Variants in RNF145 observed in about 807,000 individuals in gnomAD.
RNF145 encodes the protein ring finger protein 145.
A neutral mutation model predicts 57.3 loss-of-function variants in RNF145; 12 were observed. The ratio of observed to expected loss-of-function variants is 0.21; its 90% CI spans 0.13 to 0.34. The LOEUF is 0.34. Among genes scored for constraint, RNF145 ranks in the 10% least tolerant of loss-of-function variants. The pLI, the probability that RNF145 is intolerant of heterozygous loss-of-function variation, is 1.00. For synonymous variants in RNF145, 262 were observed against 288.3 expected, an observed-to-expected ratio of 0.91 and a Z score of 0.92; for missense variants, 429 against 799.0, an observed-to-expected ratio of 0.54 and a Z score of 5.58.
chr5:159,207,640 C>G, intron 1 of RNF145: 1 of 1,607,394 alleles, frequency 6.2e-7, no homozygotes, highest in South Asian at 1.1e-5. Flanking sequence ...TAAGTAAAAG[C>G]CCAGAACTGA....
chr5:159,198,169 A>C (rs1785523374), intron 2 of RNF145, among the ~76,000 whole-genome samples: 1 of 151,950 alleles, frequency 6.6e-6, no homozygotes, highest in Non-Finnish European at 1.5e-5. Context: ...ACGAGCCCAG[A>C]AGGTTGATGC....
intron 1 of RNF145, chr5:159,207,849 T>G (rs778572397): frequency 1.5e-5 from 24 of 1,614,138 alleles, no homozygotes; most frequent in Non-Finnish European, 1.6e-5. Context: ...AAGGCCATCT[T>G]TCAACTTAAG....
intron 2 of RNF145, among the ~76,000 whole-genome samples, chr5:159,201,302 C>T (rs1203962387): frequency 2.0e-5 from 3 of 152,150 alleles, no homozygotes; most frequent in Non-Finnish European, 4.4e-5. Context: ...ACCGACGGAC[C>T]ACTGTACTCT....
At chr5:159,162,163 CTGTA>C (rs1302048008) in intron 9 of RNF145, among the ~76,000 whole-genome samples, 1 of 152,168 alleles carries the variant, frequency 6.6e-6, no homozygotes, top group Non-Finnish European at 1.5e-5. Context: ...TGTATCATGT[CTGTA>C]TGTGTGCAAT....
intron 4 of RNF145, among the ~76,000 whole-genome samples, chr5:159,181,216 C>A (rs1228097334): frequency 6.6e-6 from 1 of 151,590 alleles, no homozygotes; most frequent in African/African-American, 2.4e-5. Context: ...GAGTCAGACA[C>A]CAGTCCACAG....
intron 4 of RNF145, among the ~76,000 whole-genome samples, chr5:159,180,026 G>A (rs1461818973): frequency 1.3e-5 from 2 of 152,016 alleles, no homozygotes; most frequent in East Asian, 1.9e-4. Context: ...GGGAGGTTGT[G>A]GCTGGCTTCT....
chr5:159,161,309 T>C lies in RNF145; in HGVS notation c.1583A>G (p.Glu528Gly), dbSNP rs758934381. Residue 528 changes from glutamate to glycine, a missense_variant, in exon 10 of 11, where the codon GAG (glutamate) becomes GGG (glycine). Physicochemically the swap from Glu to Gly is moderately conservative, Grantham distance 98. Coordinates refer to ENST00000424310, the MANE Select transcript of RNF145 (RefSeq NM_001199383.2). Reference protein sequence around the residue: ...KIKSLPIATKEQLEKHNDICA... With the variant: ...KIKSLPIATKGQLEKHNDICA... ...AATATCATTGTGTTTCTCAAGCTGC[T>C]CTTTCGTAGCAATGGGTAACGATTT... 1.2e-6 allele frequency: 2 copies of C among 1,613,812 alleles called. No individual in the cohort carries two copies. The highest frequency in any genetic ancestry group is 1.7e-6 in the Non-Finnish European group (2 of 1,179,742).
At chr5:159,192,862 G>T (rs955611354) in intron 3 of RNF145, among the ~76,000 whole-genome samples, 2 of 152,190 alleles carry the variant, frequency 1.3e-5, no homozygotes, top group African/African-American at 2.4e-5. Context: ...TTATAAAATA[G>T]AACAGTTACT....
At chr5:159,209,974 C>T, upstream of RNF145, 4 of 1,427,618 alleles carry the variant, frequency 2.8e-6, no homozygotes, top group East Asian at 2.5e-5. Flanking sequence ...AACTCCTTGG[C>T]GTCTGGGATG....
intron 2 of RNF145, among the ~76,000 whole-genome samples, chr5:159,202,371 G>A (rs1785699925): frequency 6.6e-6 from 1 of 152,180 alleles, no homozygotes; most frequent in African/African-American, 2.4e-5. Context: ...GAGAATTACA[G>A]TGTTTTGCAA....
intron 4 of RNF145, among the ~76,000 whole-genome samples, chr5:159,181,254 A>G (rs898951513): frequency 2.0e-5 from 3 of 152,058 alleles, no homozygotes; most frequent in Non-Finnish European, 2.9e-5. Context: ...CACAAGACAC[A>G]TAACTCCCCA....
chr5:159,198,987 C>CATAT (rs1203892264), intron 2 of RNF145, among the ~76,000 whole-genome samples: 1 of 152,118 alleles, frequency 6.6e-6, no homozygotes, highest in Non-Finnish European at 1.5e-5. Context: ...TACATACATA[C>CATAT]ATATATATAA....
At chr5:159,208,119 G>T in intron 1 of RNF145, 1 of 1,436,982 alleles carries the variant, frequency 7.0e-7, no homozygotes, top group Non-Finnish European at 9.1e-7. Flanking sequence ...CTCTCTCCCC[G>T]CACCTCCTCC....
At chr5:159,200,226 A>G (rs1032181989) in intron 2 of RNF145, among the ~76,000 whole-genome samples, 10 of 152,176 alleles carry the variant, frequency 6.6e-5, no homozygotes, top group African/African-American at 2.2e-4. Flanking sequence ...TTTTGAGACA[A>G]TTCTTAAATT....
chr5:159,177,301 C>T (rs1784749711), intron 4 of RNF145, among the ~76,000 whole-genome samples: 1 of 152,054 alleles, frequency 6.6e-6, no homozygotes, highest in African/African-American at 2.4e-5. Context: ...GATCATACTG[C>T]AACAATATTT....
intron 3 of RNF145, among the ~76,000 whole-genome samples, chr5:159,183,901 A>T (rs927264564): frequency 6.6e-5 from 10 of 152,326 alleles, no homozygotes; most frequent in African/African-American, 2.4e-4. Flanking sequence ...TTAGAATTAG[A>T]TAAAGGTGAC....
rs552657932 is a variant in RNF145, at chr5:159,160,381, A to G, written c.1626+885T>C. 2.6e-3 allele frequency among the ~76,000 whole-genome samples: 391 copies of G among 152,352 alleles called. 1 individual carries two copies. The highest frequency in any genetic ancestry group is 4.6e-3 in the Non-Finnish European group (314 of 68,026). On this transcript the variant is annotated intron_variant, in intron 10 of 10. Coordinates refer to ENST00000424310, the MANE Select transcript of RNF145 (RefSeq NM_001199383.2). Reference sequence around the variant, plus strand: ...TTTTACTATCAGAAAAAAATTAAATATGCACAAATTTAAATATACACAAAT... The same window carrying G: ...TTTTACTATCAGAAAAAAATTAAATGTGCACAAATTTAAATATACACAAAT...
At chr5:159,185,932 T>C (rs924695760) in intron 3 of RNF145, among the ~76,000 whole-genome samples, 1 of 152,082 alleles carries the variant, frequency 6.6e-6, no homozygotes, top group South Asian at 2.1e-4. Context: ...ACAAGATCTA[T>C]GAAAAGGGCC....
At chr5:159,171,919 C>T (rs1020458321) in intron 6 of RNF145, among the ~76,000 whole-genome samples, 3 of 152,066 alleles carry the variant, frequency 2.0e-5, no homozygotes, top group African/African-American at 7.2e-5. Flanking sequence ...CCTGGCGAGG[C>T]ATAGAAAAAG....
Sources: gnomAD v4.1 joint callset for allele counts (sites outside exome capture counted in the v4.1 genomes callset) on GRCh38, gnomAD v4.1.1 for gene constraint, MANE v1.5 for transcripts, NCBI Gene and HGNC (gene_info 2026-07-23, HGNC 2026-07-21) for gene names.